The following MGAT4C variants were observed in gnomAD, a reference collection of about 807,000 sequenced individuals.
The protein encoded by MGAT4C is MGAT4 family member C, also known as alpha-1,3-mannosyl-glycoprotein 4-beta-N-acetylglucosaminyltransferase C.
In MGAT4C, 19 loss-of-function variants were observed where a neutral mutation model predicts 40.1. The observed-to-expected ratio is 0.47, with a 90% CI of 0.33 to 0.70. The LOEUF (loss-of-function observed/expected upper bound fraction) is 0.70, where lower values mean the gene tolerates loss of function less well. Among genes scored for constraint, MGAT4C ranks in the 30% least tolerant of loss-of-function variants. The pLI is 0.02. For missense variants in MGAT4C, 491 were observed against 563.2 expected (o/e 0.87, Z 1.30); for synonymous variants, 181 against 187.1 (o/e 0.97, Z 0.27).
chr12:86,407,422 GATTAT>G (rs1956496254), intron 3 of MGAT4C, among the ~76,000 whole-genome samples: 1 of 151,942 alleles, frequency 6.6e-6, no homozygotes, highest in South Asian at 2.1e-4. Flanking sequence ...GTGAGAAAAT[GATTAT>G]ATTATATTTA....
intron 2 of MGAT4C, among the ~76,000 whole-genome samples, chr12:86,474,569 TA>T (rs1349162460): frequency 6.6e-6 from 1 of 152,056 alleles, no homozygotes; most frequent in African/African-American, 2.4e-5. Context: ...CCCCCTTGAC[TA>T]GAAGTAATTA....
intron 2 of MGAT4C, among the ~76,000 whole-genome samples, chr12:86,452,712 TCAAA>T (rs949513895): frequency 4.6e-5 from 7 of 152,058 alleles, no homozygotes; most frequent in African/African-American, 9.7e-5. Context: ...ATTGAAATGA[TCAAA>T]CACAGACTTT....
At chr12:86,639,395 GT>G (rs1963313442) in intron 2 of MGAT4C, among the ~76,000 whole-genome samples, 1 of 151,444 alleles carries the variant, frequency 6.6e-6, no homozygotes, top group Non-Finnish European at 1.5e-5. Flanking sequence ...TCTATTATTG[GT>G]TTTTGGGACA....
intron 3 of MGAT4C, among the ~76,000 whole-genome samples, chr12:86,423,479 C>T (rs1476278701): frequency 2.6e-5 from 4 of 151,950 alleles, no homozygotes; most frequent in African/African-American, 9.7e-5. Flanking sequence ...GATAGAACAA[C>T]TAAAAATTTG....
chr12:86,719,390 G>C (rs896782774), intron 2 of MGAT4C, among the ~76,000 whole-genome samples: 1 of 152,148 alleles, frequency 6.6e-6, no homozygotes. Context: ...GATCTAAAGA[G>C]ACAAGTTATC....
intron 4 of MGAT4C, among the ~76,000 whole-genome samples, chr12:86,278,762 T>A (rs1002852310): frequency 1.3e-5 from 2 of 152,206 alleles, no homozygotes; most frequent in South Asian, 2.1e-4. Context: ...AAAGTGGGCA[T>A]CCTTGGCACG....
intron 4 of MGAT4C, among the ~76,000 whole-genome samples, chr12:86,323,644 T>C (rs887068232): frequency 1.8e-4 from 28 of 152,020 alleles, no homozygotes; most frequent in Admixed American, 1.8e-3. Flanking sequence ...ATAACTACCG[T>C]AGTAAATACA....
At chr12:86,402,319 G>A (rs556612973) in intron 3 of MGAT4C, among the ~76,000 whole-genome samples, 1 of 152,038 alleles carries the variant, frequency 6.6e-6, no homozygotes, top group African/African-American at 2.4e-5. Context: ...CAGCTACTCG[G>A]GAGGTTGAGG....
At chr12:85,992,291 C>A (rs924648215) in intron 2 of MGAT4C, among the ~76,000 whole-genome samples, 1 of 152,160 alleles carries the variant, frequency 6.6e-6, no homozygotes, top group African/African-American at 2.4e-5. Flanking sequence ...AGAATGTTGG[C>A]TTTGTTTCAA....
intron 3 of MGAT4C, among the ~76,000 whole-genome samples, chr12:86,352,034 G>T (rs545361575): frequency 3.9e-5 from 6 of 151,974 alleles, no homozygotes; most frequent in Non-Finnish European, 8.8e-5. Context: ...AGATAAATAA[G>T]AAGTGAATTT....
chr12:86,250,119 A>T (rs150058410), intron 1 of MGAT4C, among the ~76,000 whole-genome samples: 5 of 152,254 alleles, frequency 3.3e-5, no homozygotes, highest in African/African-American at 9.6e-5. Context: ...AAGGGAAAAT[A>T]CCTTAGTGGA....
At chr12:86,083,246 A>T (rs1329399007) in intron 1 of MGAT4C, among the ~76,000 whole-genome samples, 18 of 152,012 alleles carry the variant, frequency 1.2e-4, no homozygotes, top group Non-Finnish European at 1.5e-5. Flanking sequence ...CTAGACATTC[A>T]TACCTTCTCA....
chr12:86,534,141 C>T lies in MGAT4C; in HGVS notation c.-228-98876G>A, dbSNP rs1959032088. Among the ~76,000 whole-genome samples the T allele has an allele frequency of 2.0e-5, 3 of 152,146 alleles. No individual in the cohort carries two copies. In the South Asian group the frequency reaches 6.2e-4, roughly 32 times the overall value. On this transcript the variant is annotated intron_variant, in intron 2 of 7. Transcript: ENST00000548651. ...GTCCATTCCTGATCCAGAGACAATTCACCAAGAGAGTTTGCCACCGTTTTA... is the reference window on the plus strand; with the variant it reads ...GTCCATTCCTGATCCAGAGACAATTTACCAAGAGAGTTTGCCACCGTTTTA...
At position 86,781,177 on chromosome 12, in the gene MGAT4C, T is replaced by C. The variant is rs558007833; in HGVS notation, c.-261-53936A>G. Among the ~76,000 whole-genome samples the C allele has an allele frequency of 8.7e-4, 132 of 152,250 alleles. 1 individual carries two copies. The highest frequency in any genetic ancestry group is 1.4e-3 in the Non-Finnish European group (92 of 68,008). On this transcript the variant is annotated intron_variant, in intron 1 of 7. Transcript: ENST00000548651. ...GATTTTACACTGGTTAGATTCCCAG[T>C]AGTGGGATTGCTGGATCAAATGGTA...
At chr12:86,462,398 G>A (rs1957614953) in intron 2 of MGAT4C, among the ~76,000 whole-genome samples, 1 of 152,112 alleles carries the variant, frequency 6.6e-6, no homozygotes, top group African/African-American at 2.4e-5. Flanking sequence ...TTCAAGATAA[G>A]AATATCATCA....
At chr12:86,830,308 C>T (rs1952896383) in intron 1 of MGAT4C, among the ~76,000 whole-genome samples, 1 of 151,636 alleles carries the variant, frequency 6.6e-6, no homozygotes, top group South Asian at 2.1e-4. Flanking sequence ...CTGACTATTC[C>T]TATCCCATTT....
chr12:86,567,237 A>G (rs1960169363), intron 2 of MGAT4C, among the ~76,000 whole-genome samples: 15 of 152,098 alleles, frequency 9.9e-5, no homozygotes, highest in Admixed American at 9.8e-4. Context: ...GTGACTCAGT[A>G]GCAATTTTTT....
At chr12:86,594,517 A>G (rs1486223675) in intron 2 of MGAT4C, among the ~76,000 whole-genome samples, 2 of 152,186 alleles carry the variant, frequency 1.3e-5, no homozygotes, top group East Asian at 3.9e-4. Flanking sequence ...TCCACTTGTT[A>G]CAAAATACAT....
chr12:86,418,160 C>T (rs931371640), intron 3 of MGAT4C, among the ~76,000 whole-genome samples: 2 of 152,082 alleles, frequency 1.3e-5, no homozygotes. Context: ...AAATATTCTA[C>T]AATCTTAATT....
Sources: gnomAD v4.1 joint callset for allele counts (sites outside exome capture counted in the v4.1 genomes callset) on GRCh38, gnomAD v4.1.1 for gene constraint, MANE v1.5 for transcripts, NCBI Gene and HGNC (gene_info 2026-07-23, HGNC 2026-07-21) for gene names.